The following NUP188 variants were observed in gnomAD, a reference collection of about 807,000 sequenced individuals.
The protein encoded by NUP188 is nucleoporin NUP188.
NUP188 carries 97 observed loss-of-function variants against 223.0 expected under a neutral mutation model. That is an observed-to-expected ratio of 0.43 (90% CI 0.37 to 0.51). The LOEUF (loss-of-function observed/expected upper bound fraction) is 0.51, where lower values mean the gene tolerates loss of function less well. Among genes scored for constraint, NUP188 ranks in the 20% least tolerant of loss-of-function variants. The pLI is 0.00. For synonymous variants in NUP188, 869 were observed against 828.0 expected (o/e 1.05, Z -0.85); for missense variants, 1,947 against 2,175.6 (o/e 0.89, Z 2.09).
At chr9:128,984,045 C>T (rs1161098582) in intron 19 of NUP188, among the ~76,000 whole-genome samples, 1 of 151,716 alleles carries the variant, frequency 6.6e-6, no homozygotes, top group Non-Finnish European at 1.5e-5. Flanking sequence ...TCGTCTGGAA[C>T]TCCTGGTCTC....
At chr9:128,961,589 T>TAGATAG (rs1455020145) in intron 8 of NUP188, among the ~76,000 whole-genome samples, 1,509 of 118,724 alleles carry the variant, frequency 0.013, 26 homozygotes, top group African/African-American at 0.064. Flanking sequence ...TATCTATCTA[T>TAGATAG]CTAGATAGAT....
intron 8 of NUP188, among the ~76,000 whole-genome samples, chr9:128,964,682 C>A (rs1304234063): frequency 1.3e-5 from 2 of 150,648 alleles, no homozygotes. Context: ...CTGTATCTTT[C>A]CAAGAGCCAA....
At chr9:128,980,431 A>G (rs1390898399) in intron 13 of NUP188, among the ~76,000 whole-genome samples, 175 bp from the exon 14 acceptor site, 2 of 152,234 alleles carry the variant, frequency 1.3e-5, no homozygotes, top group East Asian at 1.9e-4. Flanking sequence ...CACTAAATCA[A>G]TTATTTTATA....
intron 3 of NUP188, 81 bp from the exon 4 acceptor site, chr9:128,956,269 G>A: frequency 1.3e-6 from 1 of 774,450 alleles, no homozygotes; most frequent in South Asian, 2.1e-5. Flanking sequence ...ATAGTCTGTA[G>A]GAAAAATATT....
rs1450106081 is a variant in NUP188, at chr9:129,001,549, C to G, written c.3864C>G (p.His1288Gln). The change falls in exon 35 of 44, where the codon CAC becomes CAG. Residue 1288 changes from histidine (H) to glutamine (Q), a missense_variant. This residue lies in a region of NUP188 where 905 missense variants were observed against 990.6 expected (regional missense o/e 0.91). Coordinates refer to ENST00000372577, the MANE Select transcript of NUP188 (RefSeq NM_015354.3). The stretch of plus-strand genomic sequence containing the variant: ...GGCAGGTGTGTGTCCTGGGCCTGCA[C>G]CTGGCCAAGGAGCTGTGTGAGGTAG... Reference protein sequence around the residue: ...QRDGVCVLGLHLAKELCEVDE... With the variant: ...QRDGVCVLGLQLAKELCEVDE... The G allele has an allele frequency of 6.2e-7, 1 of 1,613,832 alleles. No homozygotes were observed.
At chr9:128,960,373 T>G (rs1841931387) in intron 8 of NUP188, among the ~76,000 whole-genome samples, 1 of 152,166 alleles carries the variant, frequency 6.6e-6, no homozygotes, top group Non-Finnish European at 1.5e-5. Flanking sequence ...GCCTGGCTAT[T>G]TTATCCTAAT....
Position 128,990,822 on chromosome 9 carries a change from G to A in NUP188, c.2640+596G>A, listed in dbSNP as rs375306625. 1.9e-4 allele frequency among the ~76,000 whole-genome samples: 29 copies of A among 152,214 alleles called. No individual in the cohort carries two copies. The East Asian group carries it at 2.9e-3, about 15-fold the overall frequency. ...GGAACTTGCAGTGAGCTGAGATCGCGCCACTGCACTCCAGCCTGGGTGACA... is the reference window on the plus strand; with the variant it reads ...GGAACTTGCAGTGAGCTGAGATCGCACCACTGCACTCCAGCCTGGGTGACA... On this transcript the variant is annotated intron_variant, in intron 25 of 43. Transcript: ENST00000372577.
At position 128,956,385 on chromosome 9, in the gene NUP188, A is replaced by C; in HGVS notation, c.197A>C (p.Asp66Ala). 1 of 1,580,628 alleles carries C rather than the reference A, an allele frequency of 6.3e-7. No homozygotes were observed. Among genetic ancestry groups the C allele is most frequent in the Non-Finnish European group, 8.6e-7 (1 of 1,167,040 alleles). ...SSAEKVKANK[D>A]VASPLKELGL... Reference sequence around the variant, plus strand: ...GCTGAAAAAGTGAAAGCTAATAAAGATGTAGCTTCACCATTGAAGGAACTG... The same window carrying C: ...GCTGAAAAAGTGAAAGCTAATAAAGCTGTAGCTTCACCATTGAAGGAACTG... The change falls in exon 4 of 44, where the codon GAT becomes GCT. Residue 66 changes from aspartate (D) to alanine (A), a missense_variant. Asp to Ala is a moderately radical substitution (Grantham distance 126). This residue lies in a region of NUP188 where 817 missense variants were observed against 865.8 expected (regional missense o/e 0.94). Coordinates refer to ENST00000372577, the MANE Select transcript of NUP188 (RefSeq NM_015354.3).
intron 25 of NUP188, among the ~76,000 whole-genome samples, chr9:128,990,515 C>T (rs551943957): frequency 6.6e-6 from 1 of 152,208 alleles, no homozygotes; most frequent in Admixed American, 6.5e-5. Context: ...ATCACAAGGT[C>T]AGGAGTTCAA....
chr9:128,982,795 C>T (rs1235407500), intron 16 of NUP188, 94 bp downstream of exon 16: 27 of 1,583,168 alleles, frequency 1.7e-5, no homozygotes, highest in South Asian at 2.3e-5. Flanking sequence ...AAATTTAGAA[C>T]CATCAAGATT....
chr9:128,978,135 C>T (rs576869629), intron 12 of NUP188, among the ~76,000 whole-genome samples: 4 of 152,122 alleles, frequency 2.6e-5, no homozygotes, highest in South Asian at 2.1e-4. Context: ...CTTTGGGAGG[C>T]GGAGGCGAGA....
chr9:128,958,492 T>A (rs974429729), intron 6 of NUP188, among the ~76,000 whole-genome samples: 6 of 152,222 alleles, frequency 3.9e-5, no homozygotes, highest in Non-Finnish European at 5.9e-5. Context: ...GAATTTGTTT[T>A]TATGTGTTTG....
In NUP188 at chr9:128,999,748, G is replaced by A. The variant is rs1842606473; in HGVS notation, c.3786G>A (p.Lys1262=). 6.2e-7 allele frequency: 1 copy of A among 1,614,252 alleles called. No homozygotes were observed. The highest frequency in any genetic ancestry group is 8.5e-7 in the Non-Finnish European group (1 of 1,180,054). Residue 1262 remains lysine, a synonymous_variant, in exon 34 of 44, where the codon AAG becomes AAA. Transcript: ENST00000372577. ...CATTAGGCAGTGCCACAGAGGACAAGGACAGCATGGAGACTGACGACTGTT... is the reference window on the plus strand; with the variant it reads ...CATTAGGCAGTGCCACAGAGGACAAAGACAGCATGGAGACTGACGACTGTT... ...SLALGSATED[K]DSMETDDCSR... is the part of the protein sequence containing the mutation.
At chr9:128,957,960 T>G in intron 5 of NUP188, 50 bp from the exon 6 acceptor site, 20 of 1,422,556 alleles carry the variant, frequency 1.4e-5, no homozygotes, top group Non-Finnish European at 1.9e-5. Context: ...TTTTATTACT[T>G]GAGTTTTGCC....
In NUP188 at chr9:128,968,629, A is replaced by C. The variant is rs778732965; in HGVS notation, c.709A>C (p.Lys237Gln). 9.9e-6 allele frequency: 16 copies of C among 1,614,088 alleles called. No homozygotes were observed. In the South Asian group the frequency reaches 1.2e-4, roughly 12 times the overall value. Residue 237 changes from lysine to glutamine, a missense_variant, in exon 9 of 44, where the codon AAG becomes CAG. Lys to Gln is a moderately conservative substitution (Grantham distance 53, BLOSUM62 1). Around this residue, in one of 3 missense-constraint regions of NUP188, gnomAD observed 817 missense variants for 865.8 expected, o/e 0.94. Transcript: ENST00000372577. ...MAPSDLLVLTKMFKEQGFGSR... is the reference protein window; with the variant it reads ...MAPSDLLVLTQMFKEQGFGSR... ...ACCCAGTGACTTACTTGTATTAACCAAGATGTTTAAAGAGCAAGGATTTGG... is the reference window on the plus strand; with the variant it reads ...ACCCAGTGACTTACTTGTATTAACCCAGATGTTTAAAGAGCAAGGATTTGG...
Position 128,983,018 on chromosome 9 carries a change from C to G in NUP188, c.1786C>G (p.Leu596Val). 6.2e-7 allele frequency: 1 copy of G among 1,614,064 alleles called. No homozygotes were observed. Among genetic ancestry groups the G allele is most frequent in the Non-Finnish European group, 8.5e-7 (1 of 1,180,018 alleles). ...GCCCATCACATCTCGCATCTACATG[C>G]TGCTGCAGCGGTGAGTCTGTCTTGG... The part of the protein sequence containing the change: ...LLPITSRIYM[L>V]LQRLTTVISP... Residue 596 changes from leucine to valine, a missense_variant, in exon 17 of 44, where the codon CTG becomes GTG. This residue lies in a region of NUP188 where 817 missense variants were observed against 865.8 expected (regional missense o/e 0.94). Coordinates refer to ENST00000372577, the MANE Select transcript of NUP188 (RefSeq NM_015354.3).
chr9:129,005,010 A>C (rs1016061433), intron 38 of NUP188, 137 bp from the exon 39 acceptor site: 1 of 692,554 alleles, frequency 1.4e-6, no homozygotes, highest in African/African-American at 1.8e-5. Flanking sequence ...GAAGGGGAGC[A>C]TGAGGGAAGG....
Position 128,970,898 on chromosome 9 carries a change from G to T in NUP188, c.1053G>T (p.Gln351His). 3 of 1,614,138 alleles carry T rather than the reference G, an allele frequency of 1.9e-6. No individual in the cohort carries two copies. Among genetic ancestry groups the T allele is most frequent in the South Asian group, 2.2e-5 (2 of 91,072 alleles). ...VVRKIGGTAI[Q>H]LNVFQYLTRL... ...GGAAGATAGGTGGCACAGCCATCCA[G>T]CTGAATGTGTTTCAGTACTTGACCC... is the stretch of plus-strand genomic sequence containing the variant. Residue 351 changes from glutamine to histidine, a missense_variant, in exon 11 of 44, where the codon CAG becomes CAT. By Grantham distance (24) the Gln-to-His change is conservative (BLOSUM62 0). This residue lies in a region of NUP188 where 817 missense variants were observed against 865.8 expected (regional missense o/e 0.94). Transcript: ENST00000372577.
At chr9:129,005,575 G>C in intron 40 of NUP188, 45 bp downstream of exon 40, 2 of 1,611,494 alleles carry the variant, frequency 1.2e-6, no homozygotes, top group South Asian at 2.2e-5. Context: ...TAAAGGCTCT[G>C]CTCTGCTGTG....
Sources: allele counts gnomAD v4.1 joint callset (sites outside exome capture counted in the v4.1 genomes callset), GRCh38; gene constraint gnomAD v4.1.1; regional missense constraint gnomAD v4.1.1; transcripts MANE v1.5; gene names NCBI Gene and HGNC (gene_info 2026-07-23, HGNC 2026-07-21).